The following KLHL2 variants were observed in gnomAD, a reference collection of about 807,000 sequenced individuals.
KLHL2 encodes kelch like family member 2, also known as kelch-like protein 2.
In KLHL2, 15 loss-of-function variants were observed where a neutral mutation model predicts 75.8. The ratio of observed to expected loss-of-function variants is 0.20; its 90% confidence interval spans 0.13 to 0.30. KLHL2 has a LOEUF of 0.30. Ranked by LOEUF, KLHL2 falls within the 10% of genes least tolerant of loss-of-function variation. KLHL2 has a pLI of 1.00. For missense variants in KLHL2, 381 were observed against 741.0 expected (o/e 0.51, Z 5.64); for synonymous variants, 214 against 251.9 (o/e 0.85, Z 1.42).
chr4:165,208,630 G>A (rs780415284), intron 1 of KLHL2: 27 of 152,000 alleles, frequency 1.8e-4, no homozygotes, highest in African/African-American at 6.3e-4. Context: ...AGACATTATT[G>A]CATTATTCAG....
chr4:165,292,606 T>A (rs535043136), intron 5 of KLHL2, among the ~76,000 whole-genome samples: 2 of 152,314 alleles, frequency 1.3e-5, no homozygotes, highest in Non-Finnish European at 2.9e-5. Context: ...GTGCTGAGAT[T>A]ACAGGCGTGA....
intron 4 of KLHL2, among the ~76,000 whole-genome samples, chr4:165,249,006 C>T (rs1351386085): frequency 6.6e-6 from 1 of 152,184 alleles, no homozygotes; most frequent in Non-Finnish European, 1.5e-5. Context: ...CAACAGATGA[C>T]TAATAGATGT....
chr4:165,276,923 CCA>C (rs34792961), intron 5 of KLHL2, among the ~76,000 whole-genome samples: 11,378 of 152,080 alleles, frequency 0.075, 892 homozygotes, highest in African/African-American at 0.2. Flanking sequence ...CTGTAGTATT[CCA>C]CAGTTTCTTC....
intron 1 of KLHL2, chr4:165,209,827 T>C (rs891935339): frequency 2.7e-6 from 1 of 363,640 alleles, no homozygotes; most frequent in Non-Finnish European, 5.0e-6. Flanking sequence ...TTTGGTTCTG[T>C]CCAGGATTAA....
chr4:165,278,850 C>T (rs1560798088), intron 5 of KLHL2: 1 of 1,526,992 alleles, frequency 6.5e-7, no homozygotes, highest in Admixed American at 1.7e-5. Context: ...CACATTTGTC[C>T]CACCAGTGCA....
chr4:165,212,577 C>G (rs1737262840), intron 1 of KLHL2, among the ~76,000 whole-genome samples: 1 of 152,162 alleles, frequency 6.6e-6, no homozygotes, highest in Non-Finnish European at 1.5e-5. Context: ...TATGATAGCT[C>G]TTTTTCTTGT....
Position 165,286,003 on chromosome 4 carries a change from C to A in KLHL2, c.545-8356C>A, listed in dbSNP as rs546681770. Among the ~76,000 whole-genome samples, 106 of 152,204 alleles carry A rather than the reference C, an allele frequency of 7.0e-4. 1 individual carries two copies. The highest frequency in any genetic ancestry group is 6.8e-3 in the Admixed American group (104 of 15,288). Reference sequence around the variant, plus strand: ...TCAATTTAAAGGTTCTCAGATTGGGCAAGATGTTTAACAGTAGCCAAAGAC... The same window carrying A: ...TCAATTTAAAGGTTCTCAGATTGGGAAAGATGTTTAACAGTAGCCAAAGAC... On this transcript the variant is annotated intron_variant, in intron 5 of 14. Transcript: ENST00000226725.
chr4:165,236,859 T>A (rs897322513), intron 3 of KLHL2, among the ~76,000 whole-genome samples: 20 of 151,942 alleles, frequency 1.3e-4, no homozygotes, highest in African/African-American at 4.4e-4. Context: ...ATGACAAATA[T>A]TTGAACTAGC....
intron 1 of KLHL2, chr4:165,210,129 A>G (rs1560969965): frequency 1.9e-6 from 3 of 1,551,678 alleles, no homozygotes; most frequent in African/African-American, 2.7e-5. Context: ...GATGACCTGG[A>G]CTTAAAGTGC....
chr4:165,300,157 C>T (rs1429105821), intron 8 of KLHL2, among the ~76,000 whole-genome samples: 1 of 152,018 alleles, frequency 6.6e-6, no homozygotes, highest in Non-Finnish European at 1.5e-5. Context: ...CGTGTGGTGG[C>T]AGGTGCCTGT....
intron 2 of KLHL2, among the ~76,000 whole-genome samples, chr4:165,228,079 A>G (rs1165197136): frequency 1.3e-5 from 2 of 152,286 alleles, no homozygotes; most frequent in East Asian, 3.9e-4. Context: ...TGTATTTTTA[A>G]TAGAGGCTGG....
intron 5 of KLHL2, among the ~76,000 whole-genome samples, chr4:165,293,514 T>C (rs1367321866): frequency 2.0e-5 from 3 of 151,566 alleles, no homozygotes; most frequent in East Asian, 1.9e-4. Flanking sequence ...TTTTTTTTTT[T>C]CTGAGACGGA....
In KLHL2 at chr4:165,297,639, C is replaced by T. The variant is rs1017680419; in HGVS notation, c.685C>T (p.His229Tyr). ...TGAAGCAGTAATAGCATGGGTGAAC[C>T]ATGACAAGGATGTGAGGCAAGAGTT... ...VFEAVIAWVN[H>Y]DKDVRQEFMA... The change falls in exon 7 of 15, where the codon CAT becomes TAT. Residue 229 changes from histidine to tyrosine, a missense_variant. Physicochemically the swap from His to Tyr is moderately conservative, Grantham distance 83 (BLOSUM62 2). Transcript: ENST00000226725. The T allele has an allele frequency of 3.1e-6, 5 of 1,613,196 alleles. No individual in the cohort carries two copies. The highest frequency in any genetic ancestry group is 1.3e-5 in the African/African-American group (1 of 74,982).
chr4:165,233,079 T>C (rs1398856832), intron 3 of KLHL2, among the ~76,000 whole-genome samples: 1 of 152,104 alleles, frequency 6.6e-6, no homozygotes, highest in East Asian at 1.9e-4. Flanking sequence ...TTGTTGGGTC[T>C]TACTTTTAAT....
At chr4:165,281,347 G>A (rs1360646182) in intron 5 of KLHL2, among the ~76,000 whole-genome samples, 6 of 139,958 alleles carry the variant, frequency 4.3e-5, no homozygotes, top group African/African-American at 1.4e-4. Context: ...ATGGAGTCTC[G>A]CTCTGTCACC....
chr4:165,279,618 C>A, intron 5 of KLHL2: 1 of 1,611,546 alleles, frequency 6.2e-7, no homozygotes, highest in Non-Finnish European at 8.5e-7. Context: ...ACCAATGGCC[C>A]CAAAACTGCC....
intron 5 of KLHL2, among the ~76,000 whole-genome samples, chr4:165,281,513 C>T (rs888578722): frequency 6.6e-6 from 1 of 152,038 alleles, no homozygotes; most frequent in African/African-American, 2.4e-5. Flanking sequence ...GATAGGGGTT[C>T]ACTGTGTTAG....
At position 165,303,841 on chromosome 4, in the gene KLHL2, GGAGT is replaced by G. The variant is rs1745533727; in HGVS notation, c.922-1763_922-1760del. Among the ~76,000 whole-genome samples, 8 of 152,224 alleles carry G rather than the reference GGAGT, an allele frequency of 5.3e-5. No homozygotes were observed. The South Asian group carries it at 1.7e-3, about 32-fold the overall frequency. Reference sequence around the variant, plus strand: ...GGCCTCCCAAAGTGCTGGGATTACAGGAGTGAGCCACCGTGCCTGGCCAACCAAA... The same window carrying G: ...GGCCTCCCAAAGTGCTGGGATTACAGGAGCCACCGTGCCTGGCCAACCAAA... On this transcript the variant is annotated intron_variant, in intron 8 of 14. Transcript: ENST00000226725.
chr4:165,215,316 C>T (rs1283929132), intron 1 of KLHL2, among the ~76,000 whole-genome samples: 2 of 152,142 alleles, frequency 1.3e-5, no homozygotes, highest in South Asian at 2.1e-4. Context: ...AATGACATAA[C>T]AAATTTTAGT....
Sources: allele counts gnomAD v4.1 joint callset (sites outside exome capture counted in the v4.1 genomes callset), GRCh38; gene constraint gnomAD v4.1.1; transcripts MANE v1.5; gene names NCBI Gene and HGNC (gene_info 2026-07-23, HGNC 2026-07-21).